Variants in MYLK3 observed in about 807,000 individuals in gnomAD.
MYLK3 encodes the protein myosin light chain kinase 3, also known as MLC kinase.
A neutral mutation model predicts 76.3 loss-of-function variants in MYLK3; 55 were observed. The ratio of observed to expected loss-of-function variants is 0.72; its 90% CI spans 0.58 to 0.90. The LOEUF is 0.90. MYLK3 is among the 40% of genes least tolerant of loss of function. The pLI is 0.00. For synonymous variants in MYLK3, 416 were observed against 425.4 expected, an observed-to-expected ratio of 0.98 and a Z score of 0.27; for missense variants, 973 against 1,053.6, an observed-to-expected ratio of 0.92 and a Z score of 1.06.
chr16:46,730,663 G>A lies in MYLK3; in HGVS notation c.1498C>T (p.Arg500Trp), dbSNP rs776941985. The change falls in exon 5 of 13, where the codon CGG becomes TGG. Residue 500 changes from arginine to tryptophan, a missense_variant. Around this residue, in one of 2 missense-constraint regions of MYLK3, gnomAD observed 332 missense variants for 416.6 expected, o/e 0.80. Coordinates refer to ENST00000394809, the MANE Select transcript of MYLK3 (RefSeq NM_182493.3). ...SPAPPAPFEH[R>W]VVSVKETSIS... is the part of the protein sequence containing the mutation. ...GAGGTCTCCTTGACGCTCACTACCC[G>A]GTGTTCAAAAGGAGCTGGTGGGGCC... The A allele has an allele frequency of 2.2e-5, 35 of 1,613,824 alleles. No individual in the cohort carries two copies. The highest frequency in any genetic ancestry group is 1.4e-5 in the Non-Finnish European group (17 of 1,180,012).
intron 12 of MYLK3, 117 bp from the exon 13 acceptor site, chr16:46,707,880 G>C: frequency 1.7e-6 from 1 of 598,120 alleles, no homozygotes; most frequent in Non-Finnish European, 2.9e-6. Flanking sequence ...GTTTAAATCT[G>C]ATACCTAAAG....
At chr16:46,728,610 T>G (rs1358609894) in intron 7 of MYLK3, among the ~76,000 whole-genome samples, 1 of 152,134 alleles carries the variant, frequency 6.6e-6, no homozygotes, top group Non-Finnish European at 1.5e-5. Context: ...GGTCACAGCT[T>G]CATGGGAGGC....
intron 9 of MYLK3, among the ~76,000 whole-genome samples, chr16:46,715,965 C>CA (rs2143013085): frequency 6.6e-6 from 1 of 152,226 alleles, no homozygotes; most frequent in East Asian, 1.9e-4. Context: ...GCCAGTTTGG[C>CA]AAAAAACAAT....
intron 3 of MYLK3, among the ~76,000 whole-genome samples, chr16:46,736,502 CT>C (rs1212782654): frequency 6.6e-6 from 1 of 152,220 alleles, no homozygotes; most frequent in Non-Finnish European, 1.5e-5. Context: ...CTTTTCTTCT[CT>C]GTCAGAATCT....
intron 1 of MYLK3, among the ~76,000 whole-genome samples, chr16:46,742,447 A>ACACACAC (rs1555471290): frequency 0.12 from 15,444 of 130,742 alleles, 1,101 homozygotes; most frequent in East Asian, 0.22. Context: ...TCCCAGCAAA[A>ACACACAC]ACACACACAC....
At chr16:46,732,169 C>A in intron 4 of MYLK3, 39 bp downstream of exon 4, 1 of 1,515,488 alleles carries the variant, frequency 6.6e-7, no homozygotes, top group East Asian at 2.3e-5. Context: ...ACTCCCTCCC[C>A]TCAGGGCTCG....
chr16:46,754,414 G>T (rs1967170932), intron 1 of MYLK3, among the ~76,000 whole-genome samples: 1 of 152,128 alleles, frequency 6.6e-6, no homozygotes, highest in South Asian at 2.1e-4. Flanking sequence ...CCTTTAAGAA[G>T]CAACTGGATC....
rs369532030 is a variant in MYLK3, at chr16:46,702,780, C to G, written c.*4924G>C. 6.6e-6 allele frequency among the ~76,000 whole-genome samples: 1 copy of G among 151,960 alleles called. No homozygotes were observed. Among genetic ancestry groups the G allele is most frequent in the Non-Finnish European group, 1.5e-5 (1 of 67,988 alleles). ...ACTAAAAACACAAAAATTAGCTGGG[C>G]GTGGTGGCGCATGCCTGTAGTCCCA... On this transcript the variant is annotated 3_prime_UTR_variant, in exon 13 of 13. Transcript: ENST00000394809.
intron 3 of MYLK3, among the ~76,000 whole-genome samples, chr16:46,732,885 G>A (rs1966855595): frequency 6.6e-6 from 1 of 152,188 alleles, no homozygotes; most frequent in African/African-American, 2.4e-5. Flanking sequence ...GAATGGACAG[G>A]GGTGAGGACC....
intron 1 of MYLK3, among the ~76,000 whole-genome samples, chr16:46,761,080 G>C (rs1596782773): frequency 6.6e-6 from 1 of 152,180 alleles, no homozygotes; most frequent in Non-Finnish European, 1.5e-5. Context: ...AAAAATTAGG[G>C]AGGACTTCTT....
intron 9 of MYLK3, among the ~76,000 whole-genome samples, chr16:46,713,843 G>A (rs536089331): frequency 3.9e-5 from 6 of 152,204 alleles, no homozygotes; most frequent in Non-Finnish European, 7.3e-5. Context: ...GTCTTTCTGA[G>A]CCTGGCTTAT....
In MYLK3 at chr16:46,737,771, C is replaced by A. The variant is rs1276234134; in HGVS notation, c.941G>T (p.Gly314Val). 3.7e-6 allele frequency: 6 copies of A among 1,611,524 alleles called. No homozygotes were observed. Among genetic ancestry groups the A allele is most frequent in the Non-Finnish European group, 5.1e-6 (6 of 1,179,818 alleles). The change falls in exon 3 of 13, where the codon GGG becomes GTG. Residue 314 changes from glycine to valine, a missense_variant. By Grantham distance (109) the Gly-to-Val change is moderately radical. Coordinates refer to ENST00000394809, the MANE Select transcript of MYLK3 (RefSeq NM_182493.3). Reference sequence around the variant, plus strand: ...GGCCTGGGCTGGCAGCCCTGGAGGCCCTGGGCACTGAGGGCCAGGCCCTGG... The same window carrying A: ...GGCCTGGGCTGGCAGCCCTGGAGGCACTGGGCACTGAGGGCCAGGCCCTGG... The part of the protein sequence containing the change: ...LTPGPGPQCP[G>V]PPGLPAQARA...
At chr16:46,709,783 G>T in intron 11 of MYLK3, 112 bp from the exon 12 acceptor site, 1 of 1,219,896 alleles carries the variant, frequency 8.2e-7, no homozygotes, top group South Asian at 1.5e-5. Flanking sequence ...AATCATTTAG[G>T]CAGATTCATG....
intron 8 of MYLK3, among the ~76,000 whole-genome samples, chr16:46,723,759 C>T (rs1300249669): frequency 2.0e-5 from 3 of 150,844 alleles, no homozygotes; most frequent in Non-Finnish European, 1.5e-5. Context: ...AAGTGATTCT[C>T]CTGCCTCAGC....
intron 1 of MYLK3, chr16:46,757,645 A>G (rs989481420): frequency 1.0e-6 from 1 of 974,484 alleles, no homozygotes; most frequent in Non-Finnish European, 1.2e-6. Flanking sequence ...GGCAGGAGCG[A>G]TAAGCCTGGC....
At chr16:46,716,691 C>A (rs1406746677) in intron 9 of MYLK3, among the ~76,000 whole-genome samples, 1 of 152,194 alleles carries the variant, frequency 6.6e-6, no homozygotes, top group Non-Finnish European at 1.5e-5. Context: ...GACTCTCATT[C>A]TAGAGAGGGT....
Position 46,712,641 on chromosome 16 carries a change from C to T in MYLK3, c.2114+7G>A. 1 of 1,489,004 alleles carries T rather than the reference C, an allele frequency of 6.7e-7. No individual in the cohort carries two copies. The highest frequency in any genetic ancestry group is 9.0e-7 in the Non-Finnish European group (1 of 1,115,938). 92.2% of individuals were successfully genotyped at this position (1,489,004 alleles called of 1,614,324 possible). Reference sequence around the variant, plus strand: ...CCCACTTCAGAGCCAGGGTGCTAAGCACTCACAGCATGTAGGTGATGACTC... The same window carrying T: ...CCCACTTCAGAGCCAGGGTGCTAAGTACTCACAGCATGTAGGTGATGACTC... On this transcript the variant is annotated splice_region_variant and intron_variant, in intron 10 of 12. Coordinates refer to ENST00000394809, the MANE Select transcript of MYLK3 (RefSeq NM_182493.3).
intron 11 of MYLK3, among the ~76,000 whole-genome samples, chr16:46,709,928 A>T (rs975811664): frequency 6.6e-6 from 1 of 152,184 alleles, no homozygotes; most frequent in Non-Finnish European, 1.5e-5. Context: ...CACTTCCCAG[A>T]GGGGGCTGAG....
intron 9 of MYLK3, among the ~76,000 whole-genome samples, chr16:46,719,806 C>A (rs942240838): frequency 2.0e-5 from 3 of 152,094 alleles, no homozygotes; most frequent in Non-Finnish European, 2.9e-5. Flanking sequence ...GGTAGTGTGG[C>A]ACCCCTGGGC....
Sources: gnomAD v4.1 joint callset for allele counts (sites outside exome capture counted in the v4.1 genomes callset) on GRCh38, gnomAD v4.1.1 for gene constraint, gnomAD v4.1.1 regional missense constraint, MANE v1.5 for transcripts, NCBI Gene and HGNC (gene_info 2026-07-23, HGNC 2026-07-21) for gene names.